Variants in VWF observed in about 807,000 individuals in gnomAD.
The protein encoded by VWF is Factor VIII related antigen.
VWF carries 176 observed loss-of-function variants against 308.6 expected under a neutral mutation model. The ratio of observed to expected loss-of-function variants is 0.57; its 90% confidence interval spans 0.50 to 0.65. VWF has a LOEUF of 0.65. VWF is among the 30% of genes least tolerant of loss of function. The pLI is 0.00. For missense variants in VWF, 3,146 were observed against 3,648.2 expected, an observed-to-expected ratio of 0.86 and a Z score of 3.55; for synonymous variants, 1,385 against 1,443.4, an observed-to-expected ratio of 0.96 and a Z score of 0.92.
intron 5 of VWF, among the ~76,000 whole-genome samples, chr12:6,102,918 G>A (rs986093353): frequency 4.6e-5 from 7 of 152,198 alleles, no homozygotes; most frequent in Non-Finnish European, 8.8e-5. Flanking sequence ...AAAACAGACC[G>A]AATAGCCAAA....
Position 6,052,799 on chromosome 12 carries a change from G to GAAA in VWF, c.1946-17_1946-16insTTT, listed in dbSNP as rs755605027. On this transcript the variant is annotated splice_polypyrimidine_tract_variant and intron_variant, in intron 15 of 51. Transcript: ENST00000261405. The stretch of plus-strand genomic sequence containing the variant: ...CAGTTCAGCTCTAGAAGAGAGAGGA[G>GAAA]AAGTAAGGCCTCAGCGGGAATGTTG... 6 of 1,611,708 alleles carry GAAA rather than the reference G, an allele frequency of 3.7e-6. No individual in the cohort carries two copies. In the South Asian group the frequency reaches 5.5e-5, roughly 15 times the overall value.
At chr12:6,064,742 T>A (rs1944692396) in intron 11 of VWF, among the ~76,000 whole-genome samples, 1 of 152,106 alleles carries the variant, frequency 6.6e-6, no homozygotes, top group Non-Finnish European at 1.5e-5. Flanking sequence ...TTTGCTTCCA[T>A]CCCTACAGAA....
intron 47 of VWF, among the ~76,000 whole-genome samples, chr12:5,965,781 A>G (rs1943394945): frequency 6.6e-6 from 1 of 152,208 alleles, no homozygotes; most frequent in African/African-American, 2.4e-5. Flanking sequence ...TAGTAAGACT[A>G]GCGGAGGACG....
chr12:6,123,686 G>A lies in VWF; in HGVS notation c.1-490C>T, dbSNP rs143468532. The stretch of plus-strand genomic sequence containing the variant: ...GTTGGCCCCTGACTCTGTACCACAA[G>A]TGCCTTCACAAGAGCAAAGGCTGTC... On this transcript the variant is annotated intron_variant, in intron 1 of 51. Transcript: ENST00000261405. Among the ~76,000 whole-genome samples the A allele has an allele frequency of 2.6e-3, 395 of 152,302 alleles. 2 individuals carry two copies. The highest frequency in any genetic ancestry group is 8.3e-3 in the African/African-American group (347 of 41,574).
At chr12:6,114,770 C>T (rs1311891254) in intron 3 of VWF, among the ~76,000 whole-genome samples, 4 of 152,166 alleles carry the variant, frequency 2.6e-5, no homozygotes. Context: ...CTCCAGGCAG[C>T]CAGGGGACGT....
chr12:6,090,256 C>A (rs190122897), intron 6 of VWF, among the ~76,000 whole-genome samples: 3 of 152,104 alleles, frequency 2.0e-5, no homozygotes, highest in African/African-American at 7.2e-5. Flanking sequence ...CGTGCCCGGC[C>A]GAAAATCTGT....
At chr12:6,035,401 C>T (rs1486870685) in intron 19 of VWF, among the ~76,000 whole-genome samples, 1 of 152,170 alleles carries the variant, frequency 6.6e-6, no homozygotes, top group African/African-American at 2.4e-5. Context: ...CCCTCCCTGC[C>T]ACCACCCGTA....
At chr12:6,081,560 G>A (rs192419275) in intron 6 of VWF, among the ~76,000 whole-genome samples, 3 of 152,052 alleles carry the variant, frequency 2.0e-5, no homozygotes, top group African/African-American at 2.4e-5. Context: ...GGATGGCCTC[G>A]ATCTCCTGAC....
At chr12:6,111,097 A>G in intron 3 of VWF, 129 bp from the exon 4 acceptor site, 1 of 768,448 alleles carries the variant, frequency 1.3e-6, no homozygotes, top group South Asian at 1.5e-5. Context: ...ACAAGCGAGC[A>G]ACAAAAATCT....
chr12:5,989,881 A>G (rs1229711995), intron 38 of VWF, among the ~76,000 whole-genome samples: 1 of 152,224 alleles, frequency 6.6e-6, no homozygotes. Flanking sequence ...TGCCACTACT[A>G]GTAAAACCGG....
At chr12:5,998,803 C>G (rs1467062793) in intron 34 of VWF, among the ~76,000 whole-genome samples, 1 of 152,166 alleles carries the variant, frequency 6.6e-6, no homozygotes, top group East Asian at 1.9e-4. Context: ...TCTTGGCTCA[C>G]TGCAACCTCC....
rs1800381 is a variant in VWF at position 6,019,407 on chromosome 12, C to T, written c.4011G>A (p.Pro1337=). ...AYIGLKDRKR[P]SELRRIASQV... is the part of the protein sequence containing the mutation. ...GGCTGGCAATGCGCCGCAGCTCTGA[C>T]GGTCGCTTCCGGTCCTTGAGCCCGA... is the stretch of plus-strand genomic sequence containing the variant. The change falls in exon 28 of 52, where the codon CCG becomes CCA. Residue 1337 remains proline, a synonymous_variant. Coordinates refer to ENST00000261405, the MANE Select transcript of VWF (RefSeq NM_000552.5). The surrounding 1 kb of genome is among the most constrained non-coding windows in gnomAD (Gnocchi z 5.8). The T allele has an allele frequency of 3.7e-5, 59 of 1,613,958 alleles. No individual in the cohort carries two copies. Among genetic ancestry groups the T allele is most frequent in the East Asian group, 6.7e-5 (3 of 44,880 alleles).
chr12:6,073,881 C>T lies in VWF; in HGVS notation c.875-140G>A, dbSNP rs544593764. ...TCAGGCTTCCAGGTCCTTCTCACCC[C>T]CAGTGAGCCACGTGCCCCCCTGAGG... On this transcript the variant is annotated intron_variant, in intron 7 of 51. Transcript: ENST00000261405. The T allele has an allele frequency of 8.3e-6, 11 of 1,332,104 alleles. No individual in the cohort carries two copies. In the South Asian group the frequency reaches 1.3e-4, roughly 15 times the overall value. The allele number at this position is 1,332,104 out of a possible 1,614,324, so 82.5% of individuals were successfully genotyped here.
intron 22 of VWF, among the ~76,000 whole-genome samples, chr12:6,027,147 A>G (rs1227996962): frequency 6.6e-6 from 1 of 152,196 alleles, no homozygotes; most frequent in Non-Finnish European, 1.5e-5. Context: ...CCCATGGCCT[A>G]GTAGCCCCCA....
chr12:6,073,854 C>G (rs1042550116), intron 7 of VWF, 113 bp from the exon 8 acceptor site: 1 of 1,523,830 alleles, frequency 6.6e-7, no homozygotes, highest in African/African-American at 1.4e-5. Context: ...TCCCCTCTGT[C>G]TTCAGGCTTC....
chr12:5,954,222 C>G (rs1454302320), intron 47 of VWF, among the ~76,000 whole-genome samples: 1 of 152,232 alleles, frequency 6.6e-6, no homozygotes, highest in Non-Finnish European at 1.5e-5. Flanking sequence ...TACCACACAT[C>G]TGCCAGAATG....
intron 38 of VWF, among the ~76,000 whole-genome samples, chr12:5,991,210 T>C (rs11063978): frequency 0.082 from 9,941 of 120,884 alleles, 480 homozygotes; most frequent in East Asian, 0.26. Context: ...CACACACGCA[T>C]GCACACACAC....
intron 6 of VWF, among the ~76,000 whole-genome samples, chr12:6,094,848 G>T (rs1945088271): frequency 6.7e-6 from 1 of 149,848 alleles, no homozygotes; most frequent in Non-Finnish European, 1.5e-5. Flanking sequence ...GAGTAGCTGG[G>T]ATTATAGGCA....
At chr12:6,068,134 CAAA>C (rs200782717) in intron 10 of VWF, among the ~76,000 whole-genome samples, 2 of 57,776 alleles carry the variant, frequency 3.5e-5, no homozygotes, top group African/African-American at 5.8e-5. Context: ...AACTCTGTCT[CAAA>C]AAAAAAAAAA....
Sources: gnomAD v4.1 joint callset for allele counts (sites outside exome capture counted in the v4.1 genomes callset) on GRCh38, gnomAD v4.1.1 for gene constraint, Gnocchi (gnomAD v3.1) non-coding constraint, MANE v1.5 for transcripts, NCBI Gene and HGNC (gene_info 2026-07-23, HGNC 2026-07-21) for gene names.